TTC22: variants seen among roughly 807,000 people sequenced by gnomAD.
The protein encoded by TTC22 is tetratricopeptide repeat domain 22.
In TTC22, 42 loss-of-function variants were observed where a neutral mutation model predicts 48.2. The observed-to-expected ratio is 0.87, with a 90% CI of 0.68 to 1.13. The LOEUF (loss-of-function observed/expected upper bound fraction) is 1.13. TTC22 is among the 50% of genes most tolerant of loss of function. The pLI, the probability that TTC22 is intolerant of heterozygous loss-of-function variation, is 0.00. For synonymous variants in TTC22, 345 were observed against 365.5 expected, an observed-to-expected ratio of 0.94 and a Z score of 0.64; for missense variants, 784 against 807.0, an observed-to-expected ratio of 0.97 and a Z score of 0.34.
chr1:54,787,184 G>A (rs1249876425), intron 3 of TTC22, 109 bp from the exon 4 acceptor site: 1 of 592,216 alleles, frequency 1.7e-6, no homozygotes, highest in South Asian at 2.3e-5. Context: ...AGGGATAGTA[G>A]AGTGGGATCA....
In TTC22 at chr1:54,800,839, C is replaced by T. The variant is rs1199504311; in HGVS notation, c.325G>A (p.Val109Met). The T allele has an allele frequency of 3.7e-6, 6 of 1,607,634 alleles. No individual in the cohort carries two copies. Among genetic ancestry groups the T allele is most frequent in the Non-Finnish European group, 5.1e-6 (6 of 1,177,994 alleles). Residue 109 changes from valine (V) to methionine (M), a missense_variant, in exon 1 of 7, where the codon GTG (valine) becomes ATG (methionine). Transcript: ENST00000371276. Reference protein sequence around the residue: ...NLNAWANLAHVYGRLGQEEEE... With the variant: ...NLNAWANLAHMYGRLGQEEEE... The stretch of plus-strand genomic sequence containing the variant: ...TCTTCCTGGCCCAGCCGCCCGTACA[C>T]GTGTGCCAGATTGGCCCAGGCATTG...
At position 54,801,279 on chromosome 1, in the gene TTC22, C is replaced by A. The variant is rs1646436742; in HGVS notation, c.-116G>T. The A allele has an allele frequency of 9.3e-7, 1 of 1,071,022 alleles. No individual in the cohort carries two copies. The highest frequency in any genetic ancestry group is 1.3e-6 in the Non-Finnish European group (1 of 751,506). 66.3% of individuals were successfully genotyped at this position (1,071,022 alleles called of 1,614,324 possible). ...GGAGGCGAGGGGCAGCCGGCAGAGG[C>A]CCCGGGCGCTGCGGCCTCTCGGTCT... is the stretch of plus-strand genomic sequence containing the variant. On this transcript the variant is annotated 5_prime_UTR_variant, in exon 1 of 7. Transcript: ENST00000371276.
In TTC22 at chr1:54,787,056, G is replaced by T; in HGVS notation, c.759C>A (p.Leu253=). 2 of 1,535,378 alleles carry T rather than the reference G, an allele frequency of 1.3e-6. No individual in the cohort carries two copies. Among genetic ancestry groups the T allele is most frequent in the South Asian group, 1.2e-5 (1 of 80,562 alleles). The change falls in exon 4 of 7, where the codon CTC becomes CTA. Residue 253 remains leucine (L), a synonymous_variant. Coordinates refer to ENST00000371276, the MANE Select transcript of TTC22 (RefSeq NM_001114108.2). The stretch of plus-strand genomic sequence containing the variant: ...TGTCCTTCCGCTCCAGCAGCATCCC[G>T]AGGTAGCACCAGGCCAGGGCTGGGG... ...PRHRALAWCY[L]GMLLERKDTF...
At chr1:54,782,185 C>T in intron 6 of TTC22, 140 bp downstream of exon 6, 1 of 823,384 alleles carries the variant, frequency 1.2e-6, no homozygotes, top group South Asian at 1.9e-5. Context: ...ATTCAGTCCT[C>T]ACCACGGCTG....
Position 54,800,624 on chromosome 1 carries a change from G to A in TTC22, c.540C>T (p.Tyr180=), listed in dbSNP as rs185885797. The A allele has an allele frequency of 1.3e-6, 2 of 1,547,680 alleles. No individual in the cohort carries two copies. The highest frequency in any genetic ancestry group is 3.9e-5 in the Admixed American group (2 of 50,904). Residue 180 remains tyrosine (Y), a synonymous_variant, in exon 1 of 7, where the codon TAC becomes TAT. Transcript: ENST00000371276. ...ARGLAAGIAL[Y]DKALGYGQQI... is the part of the protein sequence containing the mutation. The stretch of plus-strand genomic sequence containing the variant: ...GCTGCCCGTAGCCTAGCGCCTTGTC[G>A]TAGAGCGCGATGCCTGCCGCCAGCC...
chr1:54,790,744 G>A (rs921893404), intron 1 of TTC22, among the ~76,000 whole-genome samples: 1 of 152,080 alleles, frequency 6.6e-6, no homozygotes, highest in Non-Finnish European at 1.5e-5. Context: ...GGGCACATGG[G>A]GTGCCTCAGG....
rs751758521 is a variant in TTC22 at position 54,787,087 on chromosome 1, G to T, written c.740-12C>A. On this transcript the variant is annotated splice_polypyrimidine_tract_variant and intron_variant, in intron 3 of 6. Coordinates refer to ENST00000371276, the MANE Select transcript of TTC22 (RefSeq NM_001114108.2). ...GCACCAGGCCAGGGCTGGGGGTGAA[G>T]GGTGGGAGAGGGTCTCTAGGAAGCA... 4 of 1,392,554 alleles carry T rather than the reference G, an allele frequency of 2.9e-6. No homozygotes were observed. The highest frequency in any genetic ancestry group is 3.9e-6 in the Non-Finnish European group (4 of 1,032,210). The allele number at this position is 1,392,554 out of a possible 1,614,324, so 86.3% of individuals were successfully genotyped here.
rs561955975 is a variant in TTC22, at chr1:54,800,834, G to A, written c.330C>T (p.Tyr110=). 24 of 1,605,748 alleles carry A rather than the reference G, an allele frequency of 1.5e-5. No homozygotes were observed. The African/African-American group carries it at 1.9e-4, about 13-fold the overall frequency. ...LNAWANLAHV[Y]GRLGQEEEEE... is the part of the protein sequence containing the mutation. ...CCTCTTCTTCCTGGCCCAGCCGCCCGTACACGTGTGCCAGATTGGCCCAGG... is the reference window on the plus strand; with the variant it reads ...CCTCTTCTTCCTGGCCCAGCCGCCCATACACGTGTGCCAGATTGGCCCAGG... Residue 110 remains tyrosine (Y), a synonymous_variant, in exon 1 of 7, where the codon TAC becomes TAT. Coordinates refer to ENST00000371276, the MANE Select transcript of TTC22 (RefSeq NM_001114108.2).
At chr1:54,794,000 T>C (rs1165920670) in intron 1 of TTC22, among the ~76,000 whole-genome samples, 4 of 152,168 alleles carry the variant, frequency 2.6e-5, no homozygotes, top group East Asian at 3.8e-4. Flanking sequence ...GGGAATTTGA[T>C]AGAAATGCAA....
chr1:54,783,984 A>G (rs1330757185), intron 5 of TTC22, among the ~76,000 whole-genome samples: 1 of 152,240 alleles, frequency 6.6e-6, no homozygotes, highest in Admixed American at 6.5e-5. Flanking sequence ...CCTGGGTGAC[A>G]GAGTGAGACC....
intron 1 of TTC22, among the ~76,000 whole-genome samples, chr1:54,795,631 G>T (rs914760492): frequency 6.6e-6 from 1 of 152,210 alleles, no homozygotes; most frequent in Non-Finnish European, 1.5e-5. Flanking sequence ...AGTGATGCCT[G>T]AATTTTCTCA....
At chr1:54,789,517 C>T (rs1183488018) in intron 1 of TTC22, among the ~76,000 whole-genome samples, 2 of 152,206 alleles carry the variant, frequency 1.3e-5, no homozygotes, top group Non-Finnish European at 2.9e-5. Flanking sequence ...CCTTGTGAGT[C>T]AGATCCCACC....
intron 4 of TTC22, chr1:54,786,542 CT>C (rs932425270): frequency 2.2e-4 from 55 of 245,998 alleles, no homozygotes; most frequent in African/African-American, 1.2e-3. Context: ...AACACTTACC[CT>C]CACTATTGTC....
chr1:54,782,689 C>T (rs1367278647), intron 5 of TTC22, among the ~76,000 whole-genome samples: 1 of 152,170 alleles, frequency 6.6e-6, no homozygotes, highest in Non-Finnish European at 1.5e-5. Flanking sequence ...CTTAGTTTCC[C>T]TGTCTGTGCA....
intron 1 of TTC22, among the ~76,000 whole-genome samples, chr1:54,799,189 G>T (rs1486582268): frequency 6.6e-6 from 1 of 152,190 alleles, no homozygotes; most frequent in Non-Finnish European, 1.5e-5. Context: ...AGGGTTGGCA[G>T]CCACACCCCC....
In TTC22 at chr1:54,781,510, C is replaced by A. The variant is rs993379323; in HGVS notation, c.1443G>T (p.Ala481=). 85 of 1,506,872 alleles carry A rather than the reference C, an allele frequency of 5.6e-5. No homozygotes were observed. Among genetic ancestry groups the A allele is most frequent in the Non-Finnish European group, 6.8e-5 (77 of 1,135,518 alleles). The allele number at this position is 1,506,872 out of a possible 1,614,324, so 93.3% of individuals were successfully genotyped here. The part of the protein sequence containing the change: ...GFGCLLEALL[A]QWSQAQLSDG... ...CGCTCAGCTGTGCCTGGCTCCACTG[C>A]GCCAGCAGCGCCTCGAGCAGGCAGC... The change falls in exon 7 of 7, where the codon GCG becomes GCT. Residue 481 remains alanine (A), a synonymous_variant. Transcript: ENST00000371276.
chr1:54,787,123 G>A (rs756679619), intron 3 of TTC22, 48 bp from the exon 4 acceptor site: 2 of 1,045,350 alleles, frequency 1.9e-6, no homozygotes, highest in East Asian at 5.8e-5. Context: ...GCAGGGTGGA[G>A]AGAGGGAAGG....
In TTC22 at chr1:54,781,294, G is replaced by A. The variant is rs1228841074; in HGVS notation, c.1659C>T (p.Arg553=). The A allele has an allele frequency of 1.4e-6, 2 of 1,475,974 alleles. No homozygotes were observed. Among genetic ancestry groups the A allele is most frequent in the Non-Finnish European group, 8.9e-7 (1 of 1,122,054 alleles). 91.4% of individuals were successfully genotyped at this position (1,475,974 alleles called of 1,614,324 possible). The change falls in exon 7 of 7, where the codon CGC becomes CGT. Residue 553 remains arginine (R), a synonymous_variant. Coordinates refer to ENST00000371276, the MANE Select transcript of TTC22 (RefSeq NM_001114108.2). ...GCGGCGCGCTGGCGCCCTCGCCCTC[G>A]CGCTCCATGGTCTCGAAGAGCAGCC... is the stretch of plus-strand genomic sequence containing the variant. The part of the protein sequence containing the change: ...LVRLLFETME[R]EGEGASAPRD...
rs1646250824 is a variant in TTC22 at position 54,780,124 on chromosome 1, AAG to A, written c.*1117_*1118del. Reference sequence around the variant, plus strand: ...ACAGAGTGAGACTCTGTCTCAAAAAAAGGATTCTACGACTATGATTCCAAGAG... The same window carrying A: ...ACAGAGTGAGACTCTGTCTCAAAAAAGATTCTACGACTATGATTCCAAGAG... On this transcript the variant is annotated 3_prime_UTR_variant, in exon 7 of 7. Coordinates refer to ENST00000371276, the MANE Select transcript of TTC22 (RefSeq NM_001114108.2). 6.6e-6 allele frequency: 1 copy of A among 152,178 alleles called. No individual in the cohort carries two copies. Among genetic ancestry groups the A allele is most frequent in the African/African-American group, 2.4e-5 (1 of 41,406 alleles). 9.4% of individuals were successfully genotyped at this position (152,178 alleles called of 1,614,324 possible).
Sources: allele counts gnomAD v4.1 joint callset (sites outside exome capture counted in the v4.1 genomes callset), GRCh38; gene constraint gnomAD v4.1.1; transcripts MANE v1.5; gene names NCBI Gene and HGNC (gene_info 2026-07-23, HGNC 2026-07-21).